BORA: variants seen among roughly 807,000 people sequenced by gnomAD.
BORA encodes BORA aurora kinase A activator.
In BORA, 26 loss-of-function variants were observed where a neutral mutation model predicts 55.8. The observed-to-expected ratio is 0.47, with a 90% CI of 0.34 to 0.65. The LOEUF is 0.65. Among genes scored for constraint, BORA ranks in the 30% least tolerant of loss-of-function variants. The pLI is 0.01. For synonymous variants in BORA, 201 were observed against 216.9 expected (o/e 0.93, Z 0.64); for missense variants, 568 against 671.5 (o/e 0.85, Z 1.70).
At chr13:72,736,328 A>G (rs918435623) in intron 4 of BORA, among the ~76,000 whole-genome samples, 2 of 152,180 alleles carry the variant, frequency 1.3e-5, no homozygotes, top group African/African-American at 4.8e-5. Flanking sequence ...AAGAAAAAAT[A>G]TAAAATAAAA....
At chr13:72,736,680 G>C (rs1265755668) in intron 4 of BORA, among the ~76,000 whole-genome samples, 1 of 152,004 alleles carries the variant, frequency 6.6e-6, no homozygotes, top group East Asian at 1.9e-4. Context: ...TTATATTCTT[G>C]AAATGGACCT....
At chr13:72,747,850 A>G (rs566184877) in intron 10 of BORA, among the ~76,000 whole-genome samples, 68 of 152,196 alleles carry the variant, frequency 4.5e-4, no homozygotes, top group Non-Finnish European at 8.2e-4. Context: ...TCTTTTATGT[A>G]TGCATTTTTG....
intron 2 of BORA, 31 bp downstream of exon 2, chr13:72,729,124 A>G (rs2138034149): frequency 1.4e-6 from 2 of 1,449,942 alleles, no homozygotes; most frequent in East Asian, 2.4e-5. Context: ...GTTTACAACT[A>G]ATTTTAAATG....
At position 72,731,304 on chromosome 13, in the gene BORA, T is replaced by C; in HGVS notation, c.177T>C (p.Ser59=). 1 of 1,611,562 alleles carries C rather than the reference T, an allele frequency of 6.2e-7. No homozygotes were observed. Among genetic ancestry groups the C allele is most frequent in the Non-Finnish European group, 8.5e-7 (1 of 1,178,326 alleles). Residue 59 remains serine (S), a synonymous_variant, in exon 3 of 12, where the codon TCT becomes TCC. Transcript: ENST00000390667. The part of the protein sequence containing the change: ...KLPTPGKFRW[S]IDQLAVINPV... ...AGACTCCAGGGAAATTTAGATGGTC[T>C]ATTGATCAACTAGCTGTAATAAATC...
intron 4 of BORA, among the ~76,000 whole-genome samples, chr13:72,737,459 G>A (rs1457538858): frequency 6.6e-6 from 1 of 152,104 alleles, no homozygotes; most frequent in Non-Finnish European, 1.5e-5. Context: ...TTGGATATTT[G>A]TTACCTTTAT....
At chr13:72,735,569 T>C (rs2032906097) in intron 4 of BORA, among the ~76,000 whole-genome samples, 1 of 152,176 alleles carries the variant, frequency 6.6e-6, no homozygotes, top group Non-Finnish European at 1.5e-5. Context: ...TTATGTCTGT[T>C]GAATTGCCTT....
At chr13:72,751,201 A>G (rs2033266344) in intron 10 of BORA, among the ~76,000 whole-genome samples, 1 of 152,198 alleles carries the variant, frequency 6.6e-6, no homozygotes, top group African/African-American at 2.4e-5. Flanking sequence ...AAGTTCCTCA[A>G]AAAACTAAAA....
chr13:72,741,643 T>A (rs1021977455), intron 5 of BORA, among the ~76,000 whole-genome samples: 9 of 152,238 alleles, frequency 5.9e-5, no homozygotes, highest in African/African-American at 1.9e-4. Context: ...TTTCCTCATT[T>A]GATTGTGGTC....
chr13:72,750,957 C>T (rs936789819), intron 10 of BORA, among the ~76,000 whole-genome samples: 1 of 152,208 alleles, frequency 6.6e-6, no homozygotes, highest in East Asian at 1.9e-4. Flanking sequence ...GAGGCGCGAG[C>T]ATGGCATTAA....
intron 5 of BORA, among the ~76,000 whole-genome samples, chr13:72,742,665 T>C (rs979254505): frequency 1.3e-5 from 2 of 151,968 alleles, no homozygotes; most frequent in Non-Finnish European, 2.9e-5. Context: ...TGCACTCTCA[T>C]ATTTATTGCT....
chr13:72,730,478 T>C (rs2032788023), intron 2 of BORA, among the ~76,000 whole-genome samples: 1 of 152,200 alleles, frequency 6.6e-6, no homozygotes, highest in Admixed American at 6.5e-5. Context: ...TTCAGTTGCA[T>C]GGTTGAGTAC....
chr13:72,734,437 A>G (rs985900837), intron 3 of BORA, among the ~76,000 whole-genome samples: 1 of 152,210 alleles, frequency 6.6e-6, no homozygotes, highest in African/African-American at 2.4e-5. Flanking sequence ...AAGTGAAAAA[A>G]AAATTCATTT....
At chr13:72,753,502 C>T (rs527554599) in intron 10 of BORA, 188 bp from the exon 11 acceptor site, 2 of 488,754 alleles carry the variant, frequency 4.1e-6, no homozygotes, top group East Asian at 6.9e-5. Flanking sequence ...AAAATGACTA[C>T]AATAATCAGT....
At chr13:72,751,803 C>G (rs1200344746) in intron 10 of BORA, among the ~76,000 whole-genome samples, 1 of 152,158 alleles carries the variant, frequency 6.6e-6, no homozygotes, top group African/African-American at 2.4e-5. Flanking sequence ...CCAATTTGAT[C>G]ATTACATATT....
chr13:72,741,257 C>T (rs1330316021), intron 5 of BORA, among the ~76,000 whole-genome samples: 2 of 152,232 alleles, frequency 1.3e-5, no homozygotes, highest in Admixed American at 1.3e-4. Flanking sequence ...ACAGCCCCAG[C>T]AGTCCCTAGG....
At chr13:72,731,145 G>A in intron 2 of BORA, 136 bp from the exon 3 acceptor site, 2 of 611,288 alleles carry the variant, frequency 3.3e-6, no homozygotes, top group Non-Finnish European at 5.7e-6. Context: ...TAATTTCATG[G>A]TAAAGTCAAA....
chr13:72,734,077 G>A (rs1381419321), intron 3 of BORA, among the ~76,000 whole-genome samples: 1 of 152,064 alleles, frequency 6.6e-6, no homozygotes, highest in Non-Finnish European at 1.5e-5. Flanking sequence ...AGGGAGATCA[G>A]GAAAAATAAC....
chr13:72,747,342 A>G (rs1365868248), intron 10 of BORA, among the ~76,000 whole-genome samples: 1 of 152,132 alleles, frequency 6.6e-6, no homozygotes, highest in Non-Finnish European at 1.5e-5. Context: ...GGAGTAGGAA[A>G]AGGTAAGAGC....
chr13:72,743,715 T>C lies in BORA; in HGVS notation c.454+113T>C. On this transcript the variant is annotated intron_variant, in intron 6 of 11. Coordinates refer to ENST00000390667, the MANE Select transcript of BORA (RefSeq NM_024808.5). ...CTGGAATTGAAATTGTTTCCTTTTT[T>C]TTTTTTTAATTTATTTTTGTTTTTT... 5 of 797,320 alleles carry C rather than the reference T, an allele frequency of 6.3e-6. No individual in the cohort carries two copies. The South Asian group carries it at 1.2e-4, about 19-fold the overall frequency. The allele number at this position is 797,320 out of a possible 1,614,324, so 49.4% of individuals were successfully genotyped here.
Sources: allele counts gnomAD v4.1 joint callset (sites outside exome capture counted in the v4.1 genomes callset), GRCh38; gene constraint gnomAD v4.1.1; transcripts MANE v1.5; gene names NCBI Gene and HGNC (gene_info 2026-07-23, HGNC 2026-07-21).